STK32B: variants seen among roughly 807,000 people sequenced by gnomAD.
The protein encoded by STK32B is serine/threonine-protein kinase 32B.
Under a neutral mutation model 52.6 loss-of-function variants are expected in STK32B, and 43 were observed. That is an observed-to-expected ratio of 0.82 (90% CI 0.64 to 1.05). The LOEUF (loss-of-function observed/expected upper bound fraction) is 1.05, where lower values mean the gene tolerates loss of function less well. Ranked by LOEUF, STK32B falls within the 50% of genes least tolerant of loss-of-function variation. STK32B has a pLI of 0.00. For synonymous variants in STK32B, 238 were observed against 204.3 expected, an observed-to-expected ratio of 1.17 and a Z score of -1.41; for missense variants, 621 against 534.6, an observed-to-expected ratio of 1.16 and a Z score of -1.59.
intron 1 of STK32B, among the ~76,000 whole-genome samples, chr4:5,094,094 A>G (rs571867984): frequency 3.3e-5 from 5 of 152,194 alleles, no homozygotes; most frequent in African/African-American, 4.8e-5. Flanking sequence ...ATACCTCTTT[A>G]TCTTACATTG....
Position 5,265,028 on chromosome 4 carries a change from G to A in STK32B, c.261-66192G>A, listed in dbSNP as rs564009136. On this transcript the variant is annotated intron_variant, in intron 3 of 11. Transcript: ENST00000282908. ...TTACCTACCTCATATCACAAAGGTA[G>A]TCTTCTGTGTTCCTTCTAGAAAATA... Among the ~76,000 whole-genome samples, 22 of 152,254 alleles carry A rather than the reference G, an allele frequency of 1.4e-4. No individual in the cohort carries two copies. In the South Asian group the frequency reaches 4.4e-3, roughly 30 times the overall value.
At chr4:5,480,923 T>TA (rs1407707652) in intron 11 of STK32B, among the ~76,000 whole-genome samples, 1 of 152,208 alleles carries the variant, frequency 6.6e-6, no homozygotes, top group Non-Finnish European at 1.5e-5. Flanking sequence ...CATCATTTTT[T>TA]ATGGCTGCAT....
intron 3 of STK32B, among the ~76,000 whole-genome samples, chr4:5,221,854 CAAAAAA>C (rs35134769): frequency 1.2e-5 from 1 of 81,130 alleles, no homozygotes. Context: ...GACTCTGTCT[CAAAAAA>C]AAAAAAAAAA....
In STK32B at chr4:5,396,824, C is replaced by G. The variant is rs1272334429; in HGVS notation, c.435-1383C>G. On this transcript the variant is annotated intron_variant, in intron 4 of 11. Coordinates refer to ENST00000282908, the MANE Select transcript of STK32B (RefSeq NM_018401.3). This position sits in a 1 kb window ranked among gnomAD's most constrained non-coding sequence, Gnocchi z 4.7. ...ACCCTGGGCAGGGACCAAGCATTTG[C>G]TGACTTCATCCGCACTTGACTCTAG... Among the ~76,000 whole-genome samples, 3 of 151,784 alleles carry G rather than the reference C, an allele frequency of 2.0e-5. No homozygotes were observed. Among genetic ancestry groups the G allele is most frequent in the African/African-American group, 7.3e-5 (3 of 41,176 alleles).
intron 3 of STK32B, among the ~76,000 whole-genome samples, chr4:5,279,430 T>A (rs1052327156): frequency 6.8e-6 from 1 of 146,560 alleles, no homozygotes; most frequent in African/African-American, 2.8e-5. Flanking sequence ...AGGACGGGCT[T>A]CCAAGGTTTT....
At chr4:5,473,651 A>G (rs1353022107) in intron 11 of STK32B, among the ~76,000 whole-genome samples, 1 of 152,134 alleles carries the variant, frequency 6.6e-6, no homozygotes, top group Non-Finnish European at 1.5e-5. Context: ...CTCCCTGTAG[A>G]CACCTTCTGT....
At chr4:5,136,443 C>T (rs539001231) in intron 1 of STK32B, among the ~76,000 whole-genome samples, 47 of 152,312 alleles carry the variant, frequency 3.1e-4, no homozygotes, top group Non-Finnish European at 5.9e-4. Context: ...ACCTCCAATC[C>T]GATCACTCTG....
At chr4:5,376,396 T>A (rs1735588579) in intron 4 of STK32B, among the ~76,000 whole-genome samples, 1 of 151,964 alleles carries the variant, frequency 6.6e-6, no homozygotes, top group Non-Finnish European at 1.5e-5. Flanking sequence ...ACTTTCTCTC[T>A]CTCTCTTTCT....
At chr4:5,081,323 G>C (rs1256530035) in intron 1 of STK32B, among the ~76,000 whole-genome samples, 1 of 151,942 alleles carries the variant, frequency 6.6e-6, no homozygotes, top group East Asian at 1.9e-4. Flanking sequence ...TTAATAGTTT[G>C]ATTGCAATGT....
At chr4:5,055,504 A>C (rs1350508520) in intron 1 of STK32B, among the ~76,000 whole-genome samples, 1 of 152,110 alleles carries the variant, frequency 6.6e-6, no homozygotes, top group Non-Finnish European at 1.5e-5. Flanking sequence ...CTGTTAAAAC[A>C]TGCCATGGGC....
chr4:5,275,858 T>C (rs565061423), intron 3 of STK32B, among the ~76,000 whole-genome samples: 33 of 152,180 alleles, frequency 2.2e-4, no homozygotes, highest in Non-Finnish European at 2.5e-4. Flanking sequence ...CCCTCTCATG[T>C]AAGATTTGTA....
At chr4:5,126,753 G>A (rs1268526793) in intron 1 of STK32B, among the ~76,000 whole-genome samples, 4 of 152,162 alleles carry the variant, frequency 2.6e-5, no homozygotes, top group Non-Finnish European at 5.9e-5. Context: ...TATATCACCT[G>A]TAAAGGCCGC....
intron 4 of STK32B, among the ~76,000 whole-genome samples, chr4:5,361,047 G>C (rs111272221): frequency 6.6e-6 from 1 of 152,166 alleles, no homozygotes; most frequent in Non-Finnish European, 1.5e-5. Flanking sequence ...ATGGGTACTA[G>C]GTACTTCATA....
In STK32B at chr4:5,410,801, T is replaced by G. The variant is rs7679674; in HGVS notation, c.473-6044T>G. 9.4e-3 allele frequency among the ~76,000 whole-genome samples: 1,428 copies of G among 152,320 alleles called. 27 individuals carry two copies. The highest frequency in any genetic ancestry group is 0.032 in the African/African-American group (1,328 of 41,570). On this transcript the variant is annotated intron_variant, in intron 5 of 11. Coordinates refer to ENST00000282908, the MANE Select transcript of STK32B (RefSeq NM_018401.3). Reference sequence around the variant, plus strand: ...GATAGGATTTGACTGCTCAAAGGTCTCTTTCATTTCTGGGTAGTTTATAAA... The same window carrying G: ...GATAGGATTTGACTGCTCAAAGGTCGCTTTCATTTCTGGGTAGTTTATAAA...
At chr4:5,109,350 G>T (rs1406309540) in intron 1 of STK32B, among the ~76,000 whole-genome samples, 2 of 152,132 alleles carry the variant, frequency 1.3e-5, no homozygotes, top group Non-Finnish European at 2.9e-5. Context: ...AGTCACAAAG[G>T]ACACACACAT....
intron 3 of STK32B, among the ~76,000 whole-genome samples, chr4:5,211,037 C>G (rs754635223): frequency 5.3e-5 from 8 of 152,036 alleles, no homozygotes; most frequent in Non-Finnish European, 8.8e-5. Flanking sequence ...TCAAATGATC[C>G]TCCCACTTTA....
chr4:5,037,945 G>A, the STK32B span, among the ~76,000 whole-genome samples: 8 of 152,124 alleles, frequency 5.3e-5, no homozygotes, highest in African/African-American at 1.9e-4. Flanking sequence ...GGGACGGAAG[G>A]GGGAGGGAGT....
chr4:5,062,560 G>T (rs752293114), intron 1 of STK32B, among the ~76,000 whole-genome samples: 2 of 152,146 alleles, frequency 1.3e-5, no homozygotes, highest in Non-Finnish European at 2.9e-5. Context: ...AGGCTGGAGT[G>T]CAGTGGCACA....
chr4:5,500,272 C>T lies in STK32B; in HGVS notation c.*1189C>T, dbSNP rs1047473519. Reference sequence around the variant, plus strand: ...CAATCGCTCTGAATGGCAGTTTCCTCATTTTTAAACAGGGATAATAAAACT... The same window carrying T: ...CAATCGCTCTGAATGGCAGTTTCCTTATTTTTAAACAGGGATAATAAAACT... On this transcript the variant is annotated 3_prime_UTR_variant, in exon 12 of 12. Coordinates refer to ENST00000282908, the MANE Select transcript of STK32B (RefSeq NM_018401.3). 9 of 152,168 alleles carry T rather than the reference C, an allele frequency of 5.9e-5. No individual in the cohort carries two copies. Among genetic ancestry groups the T allele is most frequent in the African/African-American group, 2.2e-4 (9 of 41,444 alleles). 9.4% of individuals were successfully genotyped at this position (152,168 alleles called of 1,614,324 possible). A position where few individuals can be genotyped will look rare whatever the true frequency, so the allele number is the denominator to read the frequency against.
Sources: allele counts gnomAD v4.1 joint callset (sites outside exome capture counted in the v4.1 genomes callset), GRCh38; gene constraint gnomAD v4.1.1; non-coding constraint Gnocchi (gnomAD v3.1); transcripts MANE v1.5; gene names NCBI Gene and HGNC (gene_info 2026-07-23, HGNC 2026-07-21).